PDE11A: variants seen among roughly 807,000 people sequenced by gnomAD.
The protein encoded by PDE11A is phosphodiesterase 11A.
In PDE11A, 100 loss-of-function variants were observed where a neutral mutation model predicts 100.5. That is an observed-to-expected ratio of 1.00 (90% CI 0.85 to 1.18). The LOEUF is 1.18. Among genes scored for constraint, PDE11A ranks in the 50% most tolerant of loss-of-function variants. The probability of loss-of-function intolerance (pLI) is 0.00; values close to 1 mark genes in which losing one functional copy is unlikely to be tolerated. For synonymous variants in PDE11A, 381 were observed against 420.8 expected, an observed-to-expected ratio of 0.91 and a Z score of 1.16; for missense variants, 1,141 against 1,152.6, an observed-to-expected ratio of 0.99 and a Z score of 0.15.
intron 9 of PDE11A, among the ~76,000 whole-genome samples, chr2:177,773,786 G>A (rs369037789): frequency 6.6e-6 from 1 of 152,162 alleles, no homozygotes; most frequent in East Asian, 1.9e-4. Flanking sequence ...TGAGCAGGGA[G>A]GAATCATCGG....
At chr2:177,890,379 C>A (rs1336892613) in intron 4 of PDE11A, among the ~76,000 whole-genome samples, 9 of 152,200 alleles carry the variant, frequency 5.9e-5, no homozygotes, top group Non-Finnish European at 1.3e-4. Context: ...CCTGCCCAGG[C>A]ACCTGCTCTT....
chr2:177,861,714 C>T (rs1450003807), intron 5 of PDE11A, among the ~76,000 whole-genome samples: 1 of 151,914 alleles, frequency 6.6e-6, no homozygotes. Flanking sequence ...GTGATACTGG[C>T]ATGAAGACAT....
At chr2:177,723,455 C>T (rs1405052850) in intron 12 of PDE11A, among the ~76,000 whole-genome samples, 1 of 152,130 alleles carries the variant, frequency 6.6e-6, no homozygotes, top group Non-Finnish European at 1.5e-5. Flanking sequence ...CCTGCACCAC[C>T]ATAAATTTTA....
chr2:177,848,424 G>A (rs1483170489), intron 5 of PDE11A, among the ~76,000 whole-genome samples: 2 of 152,138 alleles, frequency 1.3e-5, no homozygotes, highest in African/African-American at 2.4e-5. Context: ...CCCTAAGCTC[G>A]ATTCACTTCA....
chr2:177,783,411 G>GCT (rs1553474379), intron 9 of PDE11A, among the ~76,000 whole-genome samples: 10 of 151,958 alleles, frequency 6.6e-5, no homozygotes, highest in African/African-American at 2.4e-4. Flanking sequence ...TTTTGAGGTG[G>GCT]TTTTTTTCCC....
chr2:177,686,091 G>A (rs1267254948), intron 15 of PDE11A, among the ~76,000 whole-genome samples: 1 of 152,056 alleles, frequency 6.6e-6, no homozygotes, highest in African/African-American at 2.4e-5. Flanking sequence ...CTTTTCATTG[G>A]GTATATCAAA....
chr2:178,047,683 C>T (rs2086769019), intron 1 of PDE11A, among the ~76,000 whole-genome samples: 1 of 152,174 alleles, frequency 6.6e-6, no homozygotes, highest in South Asian at 2.1e-4. Flanking sequence ...CCTCATTCAA[C>T]ACCAAGAATA....
chr2:177,788,744 G>A (rs1042011606), intron 9 of PDE11A, among the ~76,000 whole-genome samples: 2 of 152,160 alleles, frequency 1.3e-5, no homozygotes, highest in African/African-American at 4.8e-5. Context: ...ACTACCATCA[G>A]AGAATACTAC....
chr2:177,897,230 C>T (rs2084625207), intron 4 of PDE11A, among the ~76,000 whole-genome samples: 2 of 152,162 alleles, frequency 1.3e-5, no homozygotes, highest in Admixed American at 6.5e-5. Flanking sequence ...AGGGTTTAGA[C>T]ATTTAACTTT....
chr2:178,071,562 C>G lies in PDE11A; in HGVS notation c.876G>C (p.Glu292Asp), dbSNP rs2087130361. 1.2e-6 allele frequency: 2 copies of G among 1,612,868 alleles called. No homozygotes were observed. Among genetic ancestry groups the G allele is most frequent in the Non-Finnish European group, 1.7e-6 (2 of 1,178,930 alleles). Residue 292 changes from glutamate (E) to aspartate (D), a missense_variant, in exon 1 of 20, where the codon GAG becomes GAC. By Grantham distance (45) the Glu-to-Asp change is conservative (BLOSUM62 2). Coordinates refer to ENST00000286063, the MANE Select transcript of PDE11A (RefSeq NM_016953.4). ...WGKGIIGYVG[E>D]HGETVNIPDA... ...CAGGAATGTTGACCGTTTCTCCATG[C>G]TCCCCGACATAGCCAATGATACCTT...
rs529718983 is a variant in PDE11A at position 177,980,553 on chromosome 2, G to A, written c.1071+33749C>T. Among the ~76,000 whole-genome samples, 6 of 146,294 alleles carry A rather than the reference G, an allele frequency of 4.1e-5. 1 individual carries two copies. The South Asian group carries it at 1.1e-3, about 28-fold the overall frequency. ...TTTTGGGTTCTAAGTTTTAGCCCAG[G>A]TTCAGTGTCTCTGACATCTACACAA... On this transcript the variant is annotated intron_variant, in intron 2 of 19. Coordinates refer to ENST00000286063, the MANE Select transcript of PDE11A (RefSeq NM_016953.4).
intron 15 of PDE11A, among the ~76,000 whole-genome samples, chr2:177,695,372 A>T (rs548033751): frequency 3.5e-4 from 54 of 152,180 alleles, no homozygotes; most frequent in Non-Finnish European, 5.7e-4. Flanking sequence ...TACAAAAAAT[A>T]ATTTTTAGTA....
intron 12 of PDE11A, 107 bp downstream of exon 12, chr2:177,727,551 T>C: frequency 1.3e-6 from 1 of 788,082 alleles, no homozygotes; most frequent in East Asian, 2.5e-5. Flanking sequence ...AGTTCCAACA[T>C]AAAATGATCA....
chr2:177,741,295 C>T (rs894483926), intron 10 of PDE11A, among the ~76,000 whole-genome samples: 1 of 152,132 alleles, frequency 6.6e-6, no homozygotes, highest in Non-Finnish European at 1.5e-5. Context: ...ACATGTGCAC[C>T]TCTGGTGTCT....
intron 10 of PDE11A, among the ~76,000 whole-genome samples, chr2:177,744,846 T>C (rs983311432): frequency 3.3e-5 from 5 of 152,240 alleles, no homozygotes; most frequent in African/African-American, 9.6e-5. Context: ...AGGTTTATCA[T>C]ACGGTTTTGC....
chr2:177,912,201 G>A (rs138658243), intron 2 of PDE11A, among the ~76,000 whole-genome samples: 15 of 152,152 alleles, frequency 9.9e-5, no homozygotes, highest in East Asian at 1.9e-4. Flanking sequence ...CTGTCTAGGC[G>A]TCCTCATCAC....
chr2:177,773,674 T>A (rs1364445602), intron 9 of PDE11A, among the ~76,000 whole-genome samples: 2 of 152,190 alleles, frequency 1.3e-5, no homozygotes, highest in Non-Finnish European at 2.9e-5. Context: ...TTCTGAGAGT[T>A]CCTGTTTGTA....
At chr2:178,007,736 G>A (rs193088756) in intron 2 of PDE11A, among the ~76,000 whole-genome samples, 6 of 151,622 alleles carry the variant, frequency 4.0e-5, no homozygotes, top group South Asian at 2.1e-4. Flanking sequence ...ACAGAGTCTC[G>A]CCCTGTCACC....
intron 2 of PDE11A, among the ~76,000 whole-genome samples, chr2:177,941,801 T>C (rs748166356): frequency 6.6e-6 from 1 of 152,062 alleles, no homozygotes; most frequent in Non-Finnish European, 1.5e-5. Context: ...GAACGTGGAG[T>C]GTTGCAGAAT....
Sources: allele counts gnomAD v4.1 joint callset (sites outside exome capture counted in the v4.1 genomes callset), GRCh38; gene constraint gnomAD v4.1.1; transcripts MANE v1.5; gene names NCBI Gene and HGNC (gene_info 2026-07-23, HGNC 2026-07-21).